Variants in STK32A observed in about 807,000 individuals in gnomAD.
STK32A encodes the protein serine/threonine-protein kinase 32A.
A neutral mutation model predicts 53.2 loss-of-function variants in STK32A; 41 were observed. The ratio of observed to expected loss-of-function variants is 0.77; its 90% CI spans 0.60 to 1.00. The LOEUF is 1.00. Ranked by LOEUF, STK32A falls within the 50% of genes least tolerant of loss-of-function variation. The probability of loss-of-function intolerance (pLI) is 0.00; values close to 1 mark genes in which losing one functional copy is unlikely to be tolerated. For synonymous variants in STK32A, 166 were observed against 162.8 expected, an observed-to-expected ratio of 1.02 and a Z score of -0.15; for missense variants, 458 against 485.8, an observed-to-expected ratio of 0.94 and a Z score of 0.54.
intron 7 of STK32A, among the ~76,000 whole-genome samples, chr5:147,359,357 T>G (rs1277647488): frequency 6.6e-6 from 1 of 152,164 alleles, no homozygotes; most frequent in East Asian, 1.9e-4. Flanking sequence ...AATGAATAAA[T>G]GTGTATTAAA....
chr5:147,236,276 CCT>C (rs1753314314), intron 1 of STK32A, among the ~76,000 whole-genome samples: 1 of 152,110 alleles, frequency 6.6e-6, no homozygotes, highest in African/African-American at 2.4e-5. Context: ...CTGAAAACTC[CCT>C]GTGTCCCTGC....
At chr5:147,280,843 T>C (rs1752031153) in intron 4 of STK32A, among the ~76,000 whole-genome samples, 1 of 151,936 alleles carries the variant, frequency 6.6e-6, no homozygotes, top group African/African-American at 2.4e-5. Flanking sequence ...AGCACAAAAA[T>C]AGAATATTAA....
At chr5:147,243,708 T>G (rs1395409310) in intron 2 of STK32A, among the ~76,000 whole-genome samples, 1 of 138,140 alleles carries the variant, frequency 7.2e-6, no homozygotes, top group Non-Finnish European at 1.5e-5. Context: ...TCCACTGCAC[T>G]CCAGCCTGGC....
rs149458738 is a variant in STK32A at position 147,294,747 on chromosome 5, G to A, written c.260+15349G>A. ...CGCACAGACTGGAGTGCAATGGTGC[G>A]ATCTTGGCTCACTGCAACCTCTGCC... is the stretch of plus-strand genomic sequence containing the variant. On this transcript the variant is annotated intron_variant, in intron 4 of 12. Transcript: ENST00000397936. Among the ~76,000 whole-genome samples the A allele has an allele frequency of 3.4e-3, 508 of 151,002 alleles. 3 individuals carry two copies. The highest frequency in any genetic ancestry group is 0.012 in the African/African-American group (483 of 41,022).
chr5:147,341,835 C>A (rs961633263), intron 5 of STK32A, among the ~76,000 whole-genome samples: 6 of 152,060 alleles, frequency 3.9e-5, no homozygotes, highest in African/African-American at 1.4e-4. Context: ...TTCAAACACA[C>A]AATTTTTGGT....
chr5:147,355,674 T>C (rs1199031262), intron 7 of STK32A, among the ~76,000 whole-genome samples: 1 of 151,426 alleles, frequency 6.6e-6, no homozygotes, highest in Admixed American at 6.6e-5. Flanking sequence ...CGAGATTCCG[T>C]CTCAAAAAAA....
the STK32A span, chr5:147,399,346 T>C: frequency 2.9e-5 from 41 of 1,400,756 alleles, no homozygotes; most frequent in African/African-American, 1.2e-4. Flanking sequence ...CACAAAGGCA[T>C]AGAAATACAA....
At chr5:147,236,556 T>C (rs1268626483) in intron 1 of STK32A, among the ~76,000 whole-genome samples, 1 of 152,160 alleles carries the variant, frequency 6.6e-6, no homozygotes, top group East Asian at 1.9e-4. Flanking sequence ...AATTTGGTTA[T>C]CCACATGGGA....
In STK32A at chr5:147,385,834, G is replaced by A. The variant is rs1757627150; in HGVS notation, c.*1851G>A. ...CTGTCCTTACTTATGGAGAGCATGTGTCACACCAAGATGGCAGTAAGCTGG... is the reference window on the plus strand; with the variant it reads ...CTGTCCTTACTTATGGAGAGCATGTATCACACCAAGATGGCAGTAAGCTGG... On this transcript the variant is annotated 3_prime_UTR_variant, in exon 13 of 13. Transcript: ENST00000397936. The A allele has an allele frequency of 6.6e-6, 1 of 152,186 alleles. No individual in the cohort carries two copies. Among genetic ancestry groups the A allele is most frequent in the Admixed American group, 6.5e-5 (1 of 15,276 alleles). 9.4% of individuals were successfully genotyped at this position (152,186 alleles called of 1,614,324 possible). A position where few individuals can be genotyped will look rare whatever the true frequency, so the allele number is the denominator to read the frequency against.
At chr5:147,382,667 A>G (rs532082173) in intron 11 of STK32A, among the ~76,000 whole-genome samples, 4 of 152,262 alleles carry the variant, frequency 2.6e-5, no homozygotes, top group East Asian at 3.9e-4. Flanking sequence ...AGGTGTAAAC[A>G]TAAGATCTTC....
In STK32A at chr5:147,328,983, C is replaced by T. The variant is rs78443504; in HGVS notation, c.434+4912C>T. Among the ~76,000 whole-genome samples the T allele has an allele frequency of 0.014, 2,056 of 152,080 alleles. 140 individuals are homozygous for T. The East Asian group carries it at 0.2, about 15-fold the overall frequency. ...GTTTTTTCCCTCTGAGAATTACCCC[C>T]CACTATAACGAGGTTATAACTCACT... On this transcript the variant is annotated intron_variant, in intron 5 of 12. Transcript: ENST00000397936.
intron 2 of STK32A, among the ~76,000 whole-genome samples, chr5:147,260,318 TTCTCC>T (rs770047765): frequency 0.046 from 5,971 of 130,306 alleles, 520 homozygotes; most frequent in Middle Eastern, 0.11. Flanking sequence ...TCTCTCTCTC[TTCTCC>T]GTCTCTATCT....
chr5:147,316,859 G>GAAAAA (rs35058586), intron 4 of STK32A, among the ~76,000 whole-genome samples: 5 of 61,320 alleles, frequency 8.2e-5, no homozygotes, highest in Admixed American at 2.5e-4. Context: ...TGTTTCTGGC[G>GAAAAA]AAAAAAAAAA....
rs148605190 is a variant in STK32A at position 147,316,659 on chromosome 5, C to G, written c.261-7239C>G. On this transcript the variant is annotated intron_variant, in intron 4 of 12. Transcript: ENST00000397936. ...TAAAGGAAAGACTTCAGTTCAAGAC[C>G]AGTCTGAGCAACATAGTAAGACCCC... Among the ~76,000 whole-genome samples the G allele has an allele frequency of 2.3e-3, 352 of 151,920 alleles. 2 individuals are homozygous for G. Among genetic ancestry groups the G allele is most frequent in the African/African-American group, 8.0e-3 (331 of 41,438 alleles).
intron 2 of STK32A, among the ~76,000 whole-genome samples, chr5:147,270,700 T>C (rs1754990638): frequency 1.3e-5 from 2 of 152,302 alleles, no homozygotes; most frequent in African/African-American, 4.8e-5. Context: ...TATAAATATA[T>C]GCAGCTTCAC....
At chr5:147,344,555 T>C (rs143441745) in intron 6 of STK32A, among the ~76,000 whole-genome samples, 1,746 of 152,292 alleles carry the variant, frequency 0.011, 43 homozygotes, top group African/African-American at 0.04. Context: ...GGAGGATCGC[T>C]TGAGCCCAGG....
chr5:147,379,508 G>C lies in STK32A; in HGVS notation c.1033-3933G>C, dbSNP rs531724771. 3.0e-4 allele frequency among the ~76,000 whole-genome samples: 45 copies of C among 152,138 alleles called. No individual in the cohort carries two copies. The South Asian group carries it at 8.9e-3, about 30-fold the overall frequency. On this transcript the variant is annotated intron_variant, in intron 11 of 12. Coordinates refer to ENST00000397936, the MANE Select transcript of STK32A (RefSeq NM_001112724.2). ...ATGTAAAGTGCTCCACAGAATGTTA[G>C]CTGTTGTGATGCTTTACTTTCCATT...
At chr5:147,352,488 C>T (rs1282086982) in intron 7 of STK32A, among the ~76,000 whole-genome samples, 2 of 152,168 alleles carry the variant, frequency 1.3e-5, no homozygotes, top group South Asian at 4.1e-4. Flanking sequence ...TAGTTGTTAG[C>T]AGAACCAGCT....
At chr5:147,397,025 GTTTA>G in the STK32A span, among the ~76,000 whole-genome samples, 66,238 of 146,326 alleles carry the variant, frequency 0.45, 15,630 homozygotes, top group African/African-American at 0.57. Flanking sequence ...ATATATAAAT[GTTTA>G]TTTATATATT....
Sources: allele counts gnomAD v4.1 joint callset (sites outside exome capture counted in the v4.1 genomes callset), GRCh38; gene constraint gnomAD v4.1.1; transcripts MANE v1.5; gene names NCBI Gene and HGNC (gene_info 2026-07-23, HGNC 2026-07-21).